HR: variants seen among roughly 807,000 people sequenced by gnomAD.
HR encodes HR lysine demethylase and nuclear receptor corepressor.
HR carries 83 observed loss-of-function variants against 128.6 expected under a neutral mutation model. The ratio of observed to expected loss-of-function variants is 0.65; its 90% CI spans 0.54 to 0.77. The LOEUF (loss-of-function observed/expected upper bound fraction) is 0.77, where lower values mean the gene tolerates loss of function less well. Ranked by LOEUF, HR falls within the 30% of genes least tolerant of loss-of-function variation. The probability of loss-of-function intolerance (pLI) is 0.00; values close to 1 mark genes in which losing one functional copy is unlikely to be tolerated. For synonymous variants in HR, 681 were observed against 658.2 expected, an observed-to-expected ratio of 1.03 and a Z score of -0.53; for missense variants, 1,490 against 1,574.6, an observed-to-expected ratio of 0.95 and a Z score of 0.91.
rs1385208429 is a variant in HR at position 22,130,640 on chromosome 8, C to T, written c.-253G>A. 1.3e-5 allele frequency: 2 copies of T among 152,288 alleles called. No homozygotes were observed. The highest frequency in any genetic ancestry group is 2.9e-5 in the Non-Finnish European group (2 of 68,100). 9.4% of individuals were successfully genotyped at this position (152,288 alleles called of 1,614,324 possible). The stretch of plus-strand genomic sequence containing the variant: ...GGTTGGAGGGGTCGGACTCCGGGAT[C>T]TGCAGGATGCGGCACACGGCGCGGA... On this transcript the variant is annotated 5_prime_UTR_variant, in exon 1 of 19. Coordinates refer to ENST00000381418, the MANE Select transcript of HR (RefSeq NM_005144.5).
At chr8:22,119,616 CAAAAAAAA>C in intron 14 of HR, 136 bp downstream of exon 14, 1 of 922,636 alleles carries the variant, frequency 1.1e-6, no homozygotes, top group Middle Eastern at 3.6e-4. Context: ...TCAACAACAA[CAAAAAAAA>C]AAAAAAAGAA....
At position 22,115,531 on chromosome 8, in the gene HR, T is replaced by C; in HGVS notation, c.*169A>G. 1.5e-6 allele frequency: 1 copy of C among 673,382 alleles called. No individual in the cohort carries two copies. 41.7% of individuals were successfully genotyped at this position (673,382 alleles called of 1,614,324 possible). On this transcript the variant is annotated 3_prime_UTR_variant, in exon 19 of 19. Transcript: ENST00000381418. Reference sequence around the variant, plus strand: ...TGTGAGCTTGGTGGCACTGTGGTTGTTGGCTTAAGGGGGAGGGGAACAGAG... The same window carrying C: ...TGTGAGCTTGGTGGCACTGTGGTTGCTGGCTTAAGGGGGAGGGGAACAGAG...
In HR at chr8:22,123,657, T is replaced by C. The variant is rs75362423; in HGVS notation, c.1907A>G (p.Glu636Gly). The C allele has an allele frequency of 2.3e-3, 2,858 of 1,220,628 alleles. 44 individuals are homozygous for C. In the African/African-American group the frequency reaches 0.042, roughly 18 times the overall value. 75.6% of individuals were successfully genotyped at this position (1,220,628 alleles called of 1,614,324 possible). ...GRVAGTGRAR[E>G]KAGFQEQSAE... ...CCCAGCCCCTCTCCTACCTGCTTTC[T>C]CCCTGGCCCGCCCAGTGCCTGCCAC... is the stretch of plus-strand genomic sequence containing the variant. The change falls in exon 6 of 19, where the codon GAG (glutamate) becomes GGG (glycine). Residue 636 changes from glutamate (E) to glycine (G), a missense_variant. Around this residue, in one of 3 missense-constraint regions of HR, gnomAD observed 1,060 missense variants for 1,060.9 expected, o/e 1.00. Transcript: ENST00000381418.
rs371913286 is a variant in HR at position 22,127,438 on chromosome 8, C to T, written c.1004G>A (p.Gly335Asp). ...GCCSSYPPTK[G>D]GGLGPCGKCQ... ...CTTCCCACAAGGGCCAAGACCCCCA[C>T]CTTTAGTGGGTGGGTAGGATGAACA... Residue 335 changes from glycine to aspartate, a missense_variant, in exon 3 of 19, where the codon GGT (glycine) becomes GAT (aspartate). Physicochemically the swap from Gly to Asp is moderately conservative, Grantham distance 94. Coordinates refer to ENST00000381418, the MANE Select transcript of HR (RefSeq NM_005144.5). 6.2e-6 allele frequency: 10 copies of T among 1,611,944 alleles called. No individual in the cohort carries two copies. The highest frequency in any genetic ancestry group is 3.3e-5 in the Admixed American group (2 of 59,968).
Position 22,127,227 on chromosome 8 carries a change from A to G in HR, c.1215T>C (p.Val405=). Residue 405 remains valine (V), a synonymous_variant, in exon 3 of 19, where the codon GTT becomes GTC. Coordinates refer to ENST00000381418, the MANE Select transcript of HR (RefSeq NM_005144.5). ...CCCTTTTGAGGGCCCGGAGCCGAGCAACCGGCCTCTCCTCGACCTCAGGGC... is the reference window on the plus strand; with the variant it reads ...CCCTTTTGAGGGCCCGGAGCCGAGCGACCGGCCTCTCCTCGACCTCAGGGC... ...RGCPEVEERP[V]ARLRALKRAG... 6.2e-7 allele frequency: 1 copy of G among 1,613,082 alleles called. No individual in the cohort carries two copies. Among genetic ancestry groups the G allele is most frequent in the South Asian group, 1.1e-5 (1 of 91,088 alleles).
intron 10 of HR, 49 bp from the exon 11 acceptor site, chr8:22,121,007 G>A (rs750923997): frequency 6.2e-7 from 1 of 1,612,462 alleles, no homozygotes. Context: ...CCCACAGGGA[G>A]GGCAGGCCCA....
At chr8:22,117,077 G>A in intron 16 of HR, 38 bp from the exon 17 acceptor site, 2 of 1,457,264 alleles carry the variant, frequency 1.4e-6, no homozygotes, top group Non-Finnish European at 1.8e-6. Flanking sequence ...AGATGGGGAG[G>A]GAAGGGCAGG....
Position 22,125,333 on chromosome 8 carries a change from G to A in HR, c.1728C>T (p.Ala576=). Residue 576 remains alanine (A), a synonymous_variant, in exon 5 of 19, where the codon GCC becomes GCT. Transcript: ENST00000381418. ...LCRLLRRERE[A]LAWAQREGQG... The stretch of plus-strand genomic sequence containing the variant: ...CACCTTCCCGCTGGGCCCAAGCCAG[G>A]GCCTCCCGCTCCCTCCGCAGCAGGC... The A allele has an allele frequency of 6.3e-7, 1 of 1,589,608 alleles. No individual in the cohort carries two copies. The highest frequency in any genetic ancestry group is 8.6e-7 in the Non-Finnish European group (1 of 1,168,816).
At position 22,122,419 on chromosome 8, in the gene HR, G is replaced by T. The variant is rs578046268; in HGVS notation, c.2121+74C>A. 4.4e-5 allele frequency: 46 copies of T among 1,047,764 alleles called. No individual in the cohort carries two copies. The Admixed American group carries it at 6.7e-4, about 15-fold the overall frequency. 64.9% of individuals were successfully genotyped at this position (1,047,764 alleles called of 1,614,324 possible). A position where few individuals can be genotyped will look rare whatever the true frequency, so the allele number is the denominator to read the frequency against. On this transcript the variant is annotated intron_variant, in intron 8 of 18. Coordinates refer to ENST00000381418, the MANE Select transcript of HR (RefSeq NM_005144.5). ...CTCTCTTCATCCCCACCAAGAAAAGGGGGGGCCAAACCCCTGCAAAGGTCA... is the reference window on the plus strand; with the variant it reads ...CTCTCTTCATCCCCACCAAGAAAAGTGGGGGCCAAACCCCTGCAAAGGTCA...
rs763478016 is a variant in HR, at chr8:22,115,280, G to T, written c.*420C>A. On this transcript the variant is annotated 3_prime_UTR_variant, in exon 19 of 19. Transcript: ENST00000381418. Reference sequence around the variant, plus strand: ...CCTGCAGTGAGCCCAGTGAGGATGCGGTGGTAGAAACGGAGCTGGGGCAGT... The same window carrying T: ...CCTGCAGTGAGCCCAGTGAGGATGCTGTGGTAGAAACGGAGCTGGGGCAGT... The T allele has an allele frequency of 1.2e-4, 35 of 299,226 alleles. No homozygotes were observed. Among genetic ancestry groups the T allele is most frequent in the African/African-American group, 6.9e-4 (32 of 46,550 alleles). The allele number at this position is 299,226 out of a possible 1,614,324, so 18.5% of individuals were successfully genotyped here.
intron 12 of HR, 26 bp from the exon 13 acceptor site, chr8:22,120,199 T>C: frequency 1.3e-6 from 2 of 1,593,574 alleles, no homozygotes; most frequent in Non-Finnish European, 1.7e-6. Context: ...GAACGGCCAT[T>C]GGCCTCCTCA....
chr8:22,121,170 A>G lies in HR; in HGVS notation c.2262T>C (p.Pro754=). ...CCAGCAGTTCGCAGAGAGAAGGACA[A>G]GGCAGGGGCCCTCGGCCAGCACGGT... The part of the protein sequence containing the change: ...AEDRAGRGPL[P]CPSLCELLAS... The change falls in exon 10 of 19, where the codon CCT becomes CCC. Residue 754 remains proline, a synonymous_variant. Coordinates refer to ENST00000381418, the MANE Select transcript of HR (RefSeq NM_005144.5). 9 of 1,613,950 alleles carry G rather than the reference A, an allele frequency of 5.6e-6. No individual in the cohort carries two copies. The highest frequency in any genetic ancestry group is 7.6e-6 in the Non-Finnish European group (9 of 1,180,026).
Position 22,125,463 on chromosome 8 carries a change from G to T in HR, c.1598C>A (p.Ala533Asp). Residue 533 changes from alanine (A) to aspartate (D), a missense_variant, in exon 5 of 19, where the codon GCC becomes GAC. This residue lies in a region of HR where 1,060 missense variants were observed against 1,060.9 expected (regional missense o/e 1.00). Transcript: ENST00000381418. ...GCCTTCCTCAGAGCTGGAGTTGGTG[G>T]CTGTGTCTTCCTCCTGCTGCAGCTC... ...GGELQQEEDTATNSSSEEGPG... is the reference protein window; with the variant it reads ...GGELQQEEDTDTNSSSEEGPG... The T allele has an allele frequency of 1.2e-6, 2 of 1,613,444 alleles. No individual in the cohort carries two copies. The highest frequency in any genetic ancestry group is 8.5e-7 in the Non-Finnish European group (1 of 1,180,014).
intron 13 of HR, 67 bp from the exon 14 acceptor site, chr8:22,119,957 C>G: frequency 1.2e-6 from 2 of 1,609,338 alleles, no homozygotes; most frequent in South Asian, 2.2e-5. Context: ...CAAAGCCCCA[C>G]CACCACCGGG....
chr8:22,116,775 G>T lies in HR; in HGVS notation c.3378+100C>A. 6.8e-7 allele frequency: 1 copy of T among 1,461,946 alleles called. No individual in the cohort carries two copies. Among genetic ancestry groups the T allele is most frequent in the Non-Finnish European group, 9.3e-7 (1 of 1,080,074 alleles). The allele number at this position is 1,461,946 out of a possible 1,614,324, so 90.6% of individuals were successfully genotyped here. ...CAGCGTGCGGCTCCCTGCCCTGCCC[G>T]GCTCTTGGGTATTGAGGGGATGTTG... On this transcript the variant is annotated intron_variant, in intron 17 of 18. Coordinates refer to ENST00000381418, the MANE Select transcript of HR (RefSeq NM_005144.5). The surrounding 1 kb of genome is among the most constrained non-coding windows in gnomAD (Gnocchi z 4.2).
chr8:22,131,042 C>T (rs2131772838), upstream of HR: 1 of 152,338 alleles, frequency 6.6e-6, no homozygotes, highest in East Asian at 1.9e-4. Context: ...CCGGTTTCCT[C>T]CTCCAGCACC....
chr8:22,129,094 T>G lies in HR; in HGVS notation c.77A>C (p.Gln26Pro). The G allele has an allele frequency of 6.4e-7, 1 of 1,573,754 alleles. No homozygotes were observed. Among genetic ancestry groups the G allele is most frequent in the Non-Finnish European group, 8.6e-7 (1 of 1,162,108 alleles). Reference protein sequence around the residue: ...KTAPENGIVRQEPGSPPRDGL... With the variant: ...KTAPENGIVRPEPGSPPRDGL... ...ATCTCGAGGCGGGCTGCCGGGCTCC[T>G]GTCTCACGATGCCGTTCTCTGGGGC... is the stretch of plus-strand genomic sequence containing the variant. Residue 26 changes from glutamine (Q) to proline (P), a missense_variant, in exon 2 of 19, where the codon CAG becomes CCG. Around this residue, in one of 3 missense-constraint regions of HR, gnomAD observed 1,060 missense variants for 1,060.9 expected, o/e 1.00. Transcript: ENST00000381418.
In HR at chr8:22,119,782, C is replaced by T. The variant is rs778641376; in HGVS notation, c.2955G>A (p.Glu985=). 6.2e-6 allele frequency: 10 copies of T among 1,612,696 alleles called. No homozygotes were observed. The highest frequency in any genetic ancestry group is 8.5e-6 in the Non-Finnish European group (10 of 1,179,426). ...CACCATAGGCTGCCCAGAGCTGGGG[C>T]TCCAGTGGACGCAGGGCAAGGCCCG... ...LPPGLALRPL[E]PQLWAAYGVS... is the part of the protein sequence containing the mutation. The change falls in exon 14 of 19, where the codon GAG becomes GAA. Residue 985 remains glutamate, a synonymous_variant. Transcript: ENST00000381418.
intron 6 of HR, 32 bp downstream of exon 6, chr8:22,123,617 T>TTGGGGGGCGGCC: frequency 3.4e-6 from 1 of 292,092 alleles, no homozygotes; most frequent in Non-Finnish European, 6.2e-6. Flanking sequence ...GAGGGCTCCA[T>TTGGGGGGCGGCC]CCCGCCCTCC....
Sources: gnomAD v4.1 joint callset for allele counts on GRCh38, gnomAD v4.1.1 for gene constraint, gnomAD v4.1.1 regional missense constraint, Gnocchi (gnomAD v3.1) non-coding constraint, MANE v1.5 for transcripts, NCBI Gene and HGNC (gene_info 2026-07-23, HGNC 2026-07-21) for gene names.